VAMP4: variants seen among roughly 807,000 people sequenced by gnomAD.
VAMP4 encodes vesicle-associated membrane protein 4.
VAMP4 carries 19 observed loss-of-function variants against 23.5 expected under a neutral mutation model. That is an observed-to-expected ratio of 0.81 (90% confidence interval 0.56 to 1.19). The LOEUF (loss-of-function observed/expected upper bound fraction) is 1.19, where lower values mean the gene tolerates loss of function less well. VAMP4 is among the 50% of genes most tolerant of loss of function. VAMP4 has a pLI of 0.00. For synonymous variants in VAMP4, 31 were observed against 51.0 expected (o/e 0.61, Z 1.67); for missense variants, 145 against 168.6 (o/e 0.86, Z 0.78).
In VAMP4 at chr1:171,728,572, T is replaced by C. The variant is rs1655450210; in HGVS notation, c.67-2A>G. The stretch of plus-strand genomic sequence containing the variant: ...TGAATCATCTTCCAAAAGATTTCTC[T>C]GTCAAAAAAAGAAAAAGACTTGAGT... On this transcript the variant is annotated splice_acceptor_variant, in intron 2 of 7. Transcript: ENST00000236192. LOFTEE classifies it high-confidence loss of function. The C allele has an allele frequency of 2.6e-6, 4 of 1,555,446 alleles. No homozygotes were observed. The highest frequency in any genetic ancestry group is 3.5e-6 in the Non-Finnish European group (4 of 1,153,600).
chr1:171,709,643 C>A, intron 6 of VAMP4, 22 bp downstream of exon 6: 1 of 1,610,110 alleles, frequency 6.2e-7, no homozygotes, highest in East Asian at 2.2e-5. Flanking sequence ...CCAGTCTATC[C>A]AGTAGCTTCT....
chr1:171,710,646 C>T, intron 5 of VAMP4, 68 bp downstream of exon 5: 1 of 1,243,614 alleles, frequency 8.0e-7, no homozygotes, highest in Non-Finnish European at 1.1e-6. Flanking sequence ...TAAACGTTGG[C>T]TAGACAAGTA....
At chr1:171,729,999 T>A (rs2124863939) in intron 2 of VAMP4, among the ~76,000 whole-genome samples, 1 of 152,202 alleles carries the variant, frequency 6.6e-6, no homozygotes, top group Middle Eastern at 3.4e-3. Context: ...ATTACACTAA[T>A]GGTTTTGAAG....
At chr1:171,727,275 C>T (rs1368038460) in intron 3 of VAMP4, among the ~76,000 whole-genome samples, 1 of 124,768 alleles carries the variant, frequency 8.0e-6, no homozygotes, top group Non-Finnish European at 1.7e-5. Context: ...AAAAACACAA[C>T]TCAATGAGAA....
At chr1:171,730,910 G>A (rs147000694) in intron 2 of VAMP4, among the ~76,000 whole-genome samples, 169 of 152,182 alleles carry the variant, frequency 1.1e-3, no homozygotes, top group East Asian at 1.7e-3. Context: ...AAAAATGAAA[G>A]AAGGATGTAT....
At chr1:171,741,775 G>A (rs1655931147) in intron 1 of VAMP4, 135 bp downstream of exon 1, 1 of 152,260 alleles carries the variant, frequency 6.6e-6, no homozygotes, top group Non-Finnish European at 1.5e-5. Context: ...CCCACTCCGG[G>A]GTCCCTTCCT....
chr1:171,724,655 T>C (rs1270322214), intron 3 of VAMP4, among the ~76,000 whole-genome samples: 1 of 152,144 alleles, frequency 6.6e-6, no homozygotes, highest in Non-Finnish European at 1.5e-5. Context: ...CCCAAATTCA[T>C]CTATAGGTTC....
intron 4 of VAMP4, among the ~76,000 whole-genome samples, chr1:171,718,688 C>T (rs1655095593): frequency 6.6e-6 from 1 of 151,946 alleles, no homozygotes; most frequent in African/African-American, 2.4e-5. Context: ...ATTATATTAC[C>T]TTTGTTATCA....
chr1:171,706,599 A>C (rs1319422004), intron 6 of VAMP4, among the ~76,000 whole-genome samples, 181 bp from the exon 7 acceptor site: 5 of 152,182 alleles, frequency 3.3e-5, no homozygotes, highest in African/African-American at 1.2e-4. Flanking sequence ...ATTCATAAAG[A>C]ATCTAAAATA....
At chr1:171,727,197 G>A (rs969332408) in intron 3 of VAMP4, among the ~76,000 whole-genome samples, 22 of 132,308 alleles carry the variant, frequency 1.7e-4, no homozygotes, top group African/African-American at 6.1e-4. Context: ...CCAAGACTGC[G>A]CCAGGACACT....
chr1:171,706,497 C>T (rs967745317), intron 6 of VAMP4, 79 bp from the exon 7 acceptor site: 2 of 1,350,874 alleles, frequency 1.5e-6, no homozygotes, highest in Middle Eastern at 2.5e-4. Flanking sequence ...CTATTTACTG[C>T]ATCATACTAA....
chr1:171,718,915 G>A (rs1372677842), intron 4 of VAMP4, among the ~76,000 whole-genome samples: 1 of 152,012 alleles, frequency 6.6e-6, no homozygotes, highest in African/African-American at 2.4e-5. Context: ...TTCTGTAAAG[G>A]ACCAGACACT....
At chr1:171,720,782 A>G (rs1334616103) in intron 3 of VAMP4, among the ~76,000 whole-genome samples, 1 of 152,076 alleles carries the variant, frequency 6.6e-6, no homozygotes, top group African/African-American at 2.4e-5. Context: ...ACTAAAAAAG[A>G]CAGAACTTTC....
intron 4 of VAMP4, among the ~76,000 whole-genome samples, chr1:171,718,667 A>T (rs1655094858): frequency 1.3e-5 from 2 of 152,172 alleles, no homozygotes; most frequent in Admixed American, 6.5e-5. Context: ...GTACATCAAC[A>T]AATTAAAGCT....
At chr1:171,716,866 A>C (rs1655035939) in intron 4 of VAMP4, among the ~76,000 whole-genome samples, 1 of 152,216 alleles carries the variant, frequency 6.6e-6, no homozygotes, top group Non-Finnish European at 1.5e-5. Context: ...GGTTTAATGC[A>C]TGCTTGATGA....
chr1:171,708,127 C>T (rs879100849), intron 6 of VAMP4, among the ~76,000 whole-genome samples: 12 of 151,802 alleles, frequency 7.9e-5, no homozygotes, highest in East Asian at 3.9e-4. Flanking sequence ...AGTGAAACCC[C>T]GTCTCTACTA....
intron 1 of VAMP4, among the ~76,000 whole-genome samples, chr1:171,740,312 G>C (rs1427804704): frequency 6.6e-6 from 1 of 152,150 alleles, no homozygotes; most frequent in African/African-American, 2.4e-5. Context: ...TTTTCCATAA[G>C]AAGAAACACT....
chr1:171,738,625 G>A (rs1461797045), intron 1 of VAMP4, among the ~76,000 whole-genome samples, 162 bp from the exon 2 acceptor site: 2 of 152,164 alleles, frequency 1.3e-5, no homozygotes, highest in Admixed American at 1.3e-4. Context: ...GGGCCTCCAT[G>A]CTAGACCTCA....
chr1:171,700,703 T>C lies in VAMP4; in HGVS notation c.*3803A>G, dbSNP rs2124829173. The C allele has an allele frequency of 6.6e-6, 1 of 152,384 alleles. No individual in the cohort carries two copies. Among genetic ancestry groups the C allele is most frequent in the Admixed American group, 6.5e-5 (1 of 15,298 alleles). The allele number at this position is 152,384 out of a possible 1,614,324, so 9.4% of individuals were successfully genotyped here. On this transcript the variant is annotated 3_prime_UTR_variant, in exon 8 of 8. Coordinates refer to ENST00000236192, the MANE Select transcript of VAMP4 (RefSeq NM_003762.5). ...ACTGTGGAGTCACCTCTCACTGATA[T>C]ACTAACATGTGGCATCTTTGTGGCT...
Sources: allele counts gnomAD v4.1 joint callset (sites outside exome capture counted in the v4.1 genomes callset), GRCh38; gene constraint gnomAD v4.1.1; transcripts MANE v1.5; gene names NCBI Gene and HGNC (gene_info 2026-07-23, HGNC 2026-07-21).